The following PRKCH variants were observed in gnomAD, a reference collection of about 807,000 sequenced individuals.
The protein encoded by PRKCH is protein kinase C eta type.
A neutral mutation model predicts 82.5 loss-of-function variants in PRKCH; 28 were observed. The ratio of observed to expected loss-of-function variants is 0.34; its 90% CI spans 0.25 to 0.47. The LOEUF (loss-of-function observed/expected upper bound fraction) is 0.47, where lower values mean the gene tolerates loss of function less well. Ranked by LOEUF, PRKCH falls within the 20% of genes least tolerant of loss-of-function variation. The probability of loss-of-function intolerance (pLI) is 1.00; values close to 1 mark genes in which losing one functional copy is unlikely to be tolerated. For missense variants in PRKCH, 705 were observed against 881.8 expected, an observed-to-expected ratio of 0.80 and a Z score of 2.54; for synonymous variants, 322 against 327.4, an observed-to-expected ratio of 0.98 and a Z score of 0.18.
In PRKCH at chr14:61,461,826, A is replaced by G. The variant is rs77556143; in HGVS notation, c.1278+4147A>G. On this transcript the variant is annotated intron_variant, in intron 9 of 13. Coordinates refer to ENST00000332981, the MANE Select transcript of PRKCH (RefSeq NM_006255.5). The stretch of plus-strand genomic sequence containing the variant: ...TGTTCCAGGAAAATGTATAAATTCT[A>G]CAGTATACCAAAATTTTAGCGGCCA... 9.4e-3 allele frequency among the ~76,000 whole-genome samples: 1,434 copies of G among 152,330 alleles called. 18 individuals carry two copies. Among genetic ancestry groups the G allele is most frequent in the African/African-American group, 0.033 (1,362 of 41,558 alleles).
chr14:61,437,825 A>T (rs1269940949), intron 2 of PRKCH, among the ~76,000 whole-genome samples: 1 of 152,034 alleles, frequency 6.6e-6, no homozygotes, highest in Non-Finnish European at 1.5e-5. Flanking sequence ...GACCAGGTGC[A>T]ATGGCTCACA....
At chr14:61,379,791 A>C (rs1292745457) in intron 1 of PRKCH, among the ~76,000 whole-genome samples, 2 of 152,216 alleles carry the variant, frequency 1.3e-5, no homozygotes, top group Non-Finnish European at 2.9e-5. Flanking sequence ...CACACCTGTC[A>C]CTTCTGTTTA....
At chr14:61,380,899 A>G (rs2046498165) in intron 1 of PRKCH, among the ~76,000 whole-genome samples, 1 of 152,182 alleles carries the variant, frequency 6.6e-6, no homozygotes, top group Middle Eastern at 3.2e-3. Flanking sequence ...CCAGATGATA[A>G]CACTTCCTAT....
intron 2 of PRKCH, among the ~76,000 whole-genome samples, chr14:61,403,234 A>G (rs1020115891): frequency 7.9e-5 from 12 of 152,208 alleles, no homozygotes; most frequent in African/African-American, 2.7e-4. Flanking sequence ...TAATTTGACA[A>G]ATATCAGTAG....
At chr14:61,336,346 C>T (rs1343940024) in intron 1 of PRKCH, among the ~76,000 whole-genome samples, 1 of 152,186 alleles carries the variant, frequency 6.6e-6, no homozygotes, top group Non-Finnish European at 1.5e-5. Context: ...GCTTCCTTAT[C>T]CCGGAATCAC....
At chr14:61,195,819 T>C (rs1209408791) in intron 1 of PRKCH, among the ~76,000 whole-genome samples, 1 of 152,128 alleles carries the variant, frequency 6.6e-6, no homozygotes, top group East Asian at 1.9e-4. Flanking sequence ...AAACTTCTGG[T>C]GTCTCTTCTT....
intron 1 of PRKCH, among the ~76,000 whole-genome samples, chr14:61,257,625 ACACACCCC>A (rs760531597): frequency 0.2 from 14,038 of 68,778 alleles, 770 homozygotes; most frequent in South Asian, 0.27. Flanking sequence ...ACACACACAC[ACACACCCC>A]CACACACACA....
At chr14:61,230,069 C>A (rs1457196408) in intron 1 of PRKCH, among the ~76,000 whole-genome samples, 1 of 151,958 alleles carries the variant, frequency 6.6e-6, no homozygotes, top group Non-Finnish European at 1.5e-5. Context: ...AAGTAGGAGT[C>A]TGCTAGGATT....
At chr14:61,515,560 A>G (rs758479485) in intron 10 of PRKCH, among the ~76,000 whole-genome samples, 6 of 152,206 alleles carry the variant, frequency 3.9e-5, no homozygotes, top group Admixed American at 6.5e-5. Context: ...GGAGATGTCA[A>G]TAGACGACGG....
At chr14:61,358,949 C>T (rs1470551568) in intron 1 of PRKCH, among the ~76,000 whole-genome samples, 1 of 152,186 alleles carries the variant, frequency 6.6e-6, no homozygotes, top group Non-Finnish European at 1.5e-5. Flanking sequence ...TTCTCTGACC[C>T]TTCCAGGATA....
intron 9 of PRKCH, among the ~76,000 whole-genome samples, chr14:61,484,291 C>CTTTTTTTTTTTT (rs71449556): frequency 2.3e-5 from 2 of 86,382 alleles, no homozygotes; most frequent in East Asian, 3.4e-4. Context: ...GCTTGTGTCA[C>CTTTTTTTTTTTT]TTTTTTTTTT....
intron 1 of PRKCH, among the ~76,000 whole-genome samples, chr14:61,351,791 A>G (rs931930857): frequency 2.0e-5 from 3 of 152,056 alleles, no homozygotes; most frequent in Non-Finnish European, 4.4e-5. Context: ...AAGTGACCCA[A>G]ATTTGAACAT....
intron 2 of PRKCH, among the ~76,000 whole-genome samples, chr14:61,394,531 C>T (rs191426454): frequency 6.6e-6 from 1 of 152,246 alleles, no homozygotes; most frequent in East Asian, 1.9e-4. Flanking sequence ...CTCATTCGAG[C>T]TGAATCAACT....
At position 61,276,502 on chromosome 14, in the gene PRKCH, C is replaced by T. The variant is rs140625140; in HGVS notation, c.-19+88834C>T. Among the ~76,000 whole-genome samples, 320 of 152,012 alleles carry T rather than the reference C, an allele frequency of 2.1e-3. 1 individual carries two copies. Among genetic ancestry groups the T allele is most frequent in the African/African-American group, 6.5e-3 (268 of 41,468 alleles). On this transcript the variant is annotated intron_variant, in intron 1 of 3. Transcript: ENST00000555185. ...TCCTGAGTAGCTGTCACTACAGGCGCCCACCACCACACCTGGCTGATTTTT... is the reference window on the plus strand; with the variant it reads ...TCCTGAGTAGCTGTCACTACAGGCGTCCACCACCACACCTGGCTGATTTTT...
At chr14:61,371,550 G>A (rs2046364350) in intron 1 of PRKCH, among the ~76,000 whole-genome samples, 1 of 151,980 alleles carries the variant, frequency 6.6e-6, no homozygotes, top group Non-Finnish European at 1.5e-5. Context: ...TGTTTTTCCT[G>A]TGGTTCAAGG....
intron 10 of PRKCH, among the ~76,000 whole-genome samples, chr14:61,489,605 A>G (rs1886373527): frequency 1.3e-5 from 2 of 152,240 alleles, no homozygotes; most frequent in South Asian, 2.1e-4. Flanking sequence ...GGAACCTGCC[A>G]TGGCCCAGAA....
Position 61,352,689 on chromosome 14 carries a change from G to GGAAAGGAAAGAAA in PRKCH, c.363+30230_363+30231insGAAAGAAAGAAAG, listed in dbSNP as rs1555378083. On this transcript the variant is annotated intron_variant, in intron 1 of 13. Transcript: ENST00000332981. ...GAGAGAGAGAGAGAGAGAAAGGAAA[G>GGAAAGGAAAGAAA]GAAAGAAAGAAAGAAAGAAAGAAAG... is the stretch of plus-strand genomic sequence containing the variant. Among the ~76,000 whole-genome samples, 133 of 126,530 alleles carry GGAAAGGAAAGAAA rather than the reference G, an allele frequency of 1.1e-3. 1 individual carries two copies. The highest frequency in any genetic ancestry group is 7.4e-3 in the Middle Eastern group (2 of 270). The allele number at this position is 126,530 out of a possible 152,430, so 83.0% of individuals were successfully genotyped here.
At chr14:61,506,500 C>A (rs1040475387) in intron 10 of PRKCH, among the ~76,000 whole-genome samples, 2 of 152,076 alleles carry the variant, frequency 1.3e-5, no homozygotes, top group Admixed American at 6.5e-5. Flanking sequence ...CCCCCCTGGA[C>A]TCTCGCATGA....
chr14:61,467,819 T>A (rs1885326418), intron 9 of PRKCH, among the ~76,000 whole-genome samples: 1 of 152,204 alleles, frequency 6.6e-6, no homozygotes, highest in African/African-American at 2.4e-5. Context: ...GAAACTAAAC[T>A]GCACATTGGC....
Sources: gnomAD v4.1 joint callset for allele counts (sites outside exome capture counted in the v4.1 genomes callset) on GRCh38, gnomAD v4.1.1 for gene constraint, MANE v1.5 for transcripts, NCBI Gene and HGNC (gene_info 2026-07-23, HGNC 2026-07-21) for gene names.